GPC6: variants seen among roughly 807,000 people sequenced by gnomAD.
GPC6 encodes glypican 6.
A neutral mutation model predicts 55.2 loss-of-function variants in GPC6; 14 were observed. That is an observed-to-expected ratio of 0.25 (90% CI 0.17 to 0.40). The LOEUF (loss-of-function observed/expected upper bound fraction) is 0.40, where lower values mean the gene tolerates loss of function less well. Ranked by LOEUF, GPC6 falls within the 10% of genes least tolerant of loss-of-function variation. The pLI is 1.00. For missense variants in GPC6, 641 were observed against 708.5 expected (o/e 0.90, Z 1.08); for synonymous variants, 278 against 259.6 (o/e 1.07, Z -0.68).
intron 1 of GPC6, among the ~76,000 whole-genome samples, chr13:93,496,134 C>T (rs1199036769): frequency 6.6e-6 from 1 of 152,242 alleles, no homozygotes; most frequent in East Asian, 1.9e-4. Flanking sequence ...TTGCTGCCTC[C>T]TTGCAGTTTG....
intron 1 of GPC6, among the ~76,000 whole-genome samples, chr13:93,444,572 A>G (rs1406777487): frequency 2.0e-5 from 3 of 152,200 alleles, no homozygotes; most frequent in African/African-American, 4.8e-5. Flanking sequence ...GCGCCACTGC[A>G]CTCCAGCCTG....
intron 3 of GPC6, among the ~76,000 whole-genome samples, chr13:93,911,958 G>A (rs1184485515): frequency 6.6e-6 from 1 of 152,180 alleles, no homozygotes; most frequent in Non-Finnish European, 1.5e-5. Flanking sequence ...TGAGTGCAGA[G>A]AGCAATTGAG....
At chr13:93,882,043 C>T (rs1284699768) in intron 3 of GPC6, among the ~76,000 whole-genome samples, 2 of 151,062 alleles carry the variant, frequency 1.3e-5, no homozygotes, top group African/African-American at 4.8e-5. Flanking sequence ...TTTTTCCTTA[C>T]TTTCTCCTCC....
At chr13:93,884,809 C>T (rs1158068358) in intron 3 of GPC6, among the ~76,000 whole-genome samples, 1 of 152,062 alleles carries the variant, frequency 6.6e-6, no homozygotes, top group Admixed American at 6.6e-5. Context: ...CTAAAGCAAC[C>T]TTCAAAAACG....
chr13:93,621,246 G>A (rs1878939874), intron 2 of GPC6, among the ~76,000 whole-genome samples: 1 of 152,174 alleles, frequency 6.6e-6, no homozygotes, highest in African/African-American at 2.4e-5. Context: ...TTTCAATGTG[G>A]TGACCTGGCG....
At chr13:93,685,377 T>C (rs1882011044) in intron 2 of GPC6, among the ~76,000 whole-genome samples, 1 of 152,182 alleles carries the variant, frequency 6.6e-6, no homozygotes, top group African/African-American at 2.4e-5. Context: ...GGGCCATGCA[T>C]GTAGTAGTTC....
intron 3 of GPC6, among the ~76,000 whole-genome samples, chr13:93,890,859 A>T (rs1370647104): frequency 4.0e-5 from 6 of 151,746 alleles, no homozygotes; most frequent in African/African-American, 1.5e-4. Context: ...GAGTGCTAAG[A>T]TATATTTGCC....
chr13:93,912,768 A>G (rs1205623392), intron 3 of GPC6, among the ~76,000 whole-genome samples: 1 of 152,118 alleles, frequency 6.6e-6, no homozygotes, highest in Non-Finnish European at 1.5e-5. Context: ...AAACAAAACA[A>G]GACAAATTCT....
chr13:94,025,827 C>T lies in GPC6; in HGVS notation c.712-1902C>T, dbSNP rs116517944. 4.3e-3 allele frequency among the ~76,000 whole-genome samples: 654 copies of T among 152,190 alleles called. 8 individuals carry two copies. Among genetic ancestry groups the T allele is most frequent in the African/African-American group, 0.015 (623 of 41,530 alleles). On this transcript the variant is annotated intron_variant, in intron 3 of 8. Transcript: ENST00000377047. ...CATTTATTTGACTTACAGTATTTTA[C>T]TCACTGACTTTCTATTGTTGATCAT...
intron 4 of GPC6, among the ~76,000 whole-genome samples, chr13:94,264,025 C>G (rs1279481521): frequency 6.6e-6 from 1 of 152,150 alleles, no homozygotes; most frequent in Non-Finnish European, 1.5e-5. Context: ...TACCATCATC[C>G]TAGGACCTCC....
rs182052675 is a variant in GPC6 at position 94,282,871 on chromosome 13, C to T, written c.878-3478C>T. On this transcript the variant is annotated intron_variant, in intron 4 of 8. Coordinates refer to ENST00000377047, the MANE Select transcript of GPC6 (RefSeq NM_005708.5). ...CATATGCTGTTAGTCATAAGAGTCACTGAGCCAATCCAGATTCAGAGGACA... is the reference window on the plus strand; with the variant it reads ...CATATGCTGTTAGTCATAAGAGTCATTGAGCCAATCCAGATTCAGAGGACA... 1.1e-3 allele frequency among the ~76,000 whole-genome samples: 170 copies of T among 152,338 alleles called. 1 individual carries two copies. Among genetic ancestry groups the T allele is most frequent in the Non-Finnish European group, 1.8e-3 (125 of 68,042 alleles).
intron 1 of GPC6, among the ~76,000 whole-genome samples, chr13:93,249,948 T>G (rs1241859622): frequency 6.6e-6 from 1 of 152,174 alleles, no homozygotes; most frequent in East Asian, 1.9e-4. Context: ...TCCCACTTGA[T>G]GGGTAACAGG....
intron 3 of GPC6, among the ~76,000 whole-genome samples, chr13:93,919,129 G>A (rs1449505148): frequency 6.6e-6 from 1 of 152,012 alleles, no homozygotes; most frequent in East Asian, 1.9e-4. Flanking sequence ...TCTCTCTCTT[G>A]CCCCTGCTCT....
chr13:94,246,818 T>C (rs574821686), intron 4 of GPC6, among the ~76,000 whole-genome samples: 63 of 152,234 alleles, frequency 4.1e-4, no homozygotes, highest in African/African-American at 1.5e-3. Flanking sequence ...TTTGGGTTTT[T>C]TTTCTCTTTC....
At chr13:93,573,304 T>C (rs944197287) in intron 2 of GPC6, among the ~76,000 whole-genome samples, 3 of 152,000 alleles carry the variant, frequency 2.0e-5, no homozygotes, top group Admixed American at 6.6e-5. Context: ...GGTGCCAAGA[T>C]CGTAAATAGC....
At chr13:94,271,822 A>G (rs1361942525) in intron 4 of GPC6, among the ~76,000 whole-genome samples, 1 of 151,536 alleles carries the variant, frequency 6.6e-6, no homozygotes, top group Non-Finnish European at 1.5e-5. Flanking sequence ...TATCTTCACC[A>G]TGTGGCATTT....
At chr13:94,297,392 A>G (rs1875400602) in intron 5 of GPC6, among the ~76,000 whole-genome samples, 2 of 152,172 alleles carry the variant, frequency 1.3e-5, no homozygotes, top group Non-Finnish European at 2.9e-5. Flanking sequence ...AAACCTTACA[A>G]GCAAAGGGCA....
chr13:93,701,854 C>T (rs532135734), intron 2 of GPC6, among the ~76,000 whole-genome samples: 4 of 152,140 alleles, frequency 2.6e-5, no homozygotes, highest in East Asian at 1.9e-4. Context: ...TCAGCCTCCA[C>T]TTCTAACTCT....
chr13:93,667,606 T>C (rs1881193210), intron 2 of GPC6, among the ~76,000 whole-genome samples: 1 of 152,054 alleles, frequency 6.6e-6, no homozygotes, highest in Admixed American at 6.5e-5. Flanking sequence ...CTAATTTTTG[T>C]ATGTTTAGTA....
Sources: allele counts gnomAD v4.1 joint callset (sites outside exome capture counted in the v4.1 genomes callset), GRCh38; gene constraint gnomAD v4.1.1; transcripts MANE v1.5; gene names NCBI Gene and HGNC (gene_info 2026-07-23, HGNC 2026-07-21).